MRPS35: variants seen among roughly 807,000 people sequenced by gnomAD.
The protein encoded by MRPS35 is mitochondrial ribosomal protein S35.
MRPS35 carries 29 observed loss-of-function variants against 32.7 expected under a neutral mutation model. The ratio of observed to expected loss-of-function variants is 0.89; its 90% confidence interval spans 0.66 to 1.21. MRPS35 has a LOEUF of 1.21. Among genes scored for constraint, MRPS35 ranks in the 50% most tolerant of loss-of-function variants. The probability of loss-of-function intolerance (pLI) is 0.00; values close to 1 mark genes in which losing one functional copy is unlikely to be tolerated. For synonymous variants in MRPS35, 148 were observed against 139.3 expected (o/e 1.06, Z -0.44); for missense variants, 373 against 383.8 (o/e 0.97, Z 0.23).
intron 4 of MRPS35, among the ~76,000 whole-genome samples, chr12:27,721,806 G>A (rs977900574): frequency 6.6e-6 from 1 of 152,146 alleles, no homozygotes; most frequent in African/African-American, 2.4e-5. Flanking sequence ...GTGACAGGGC[G>A]TGGTAGCTCA....
At chr12:27,751,001 G>A (rs1189861193) in intron 7 of MRPS35, among the ~76,000 whole-genome samples, 1 of 149,788 alleles carries the variant, frequency 6.7e-6, no homozygotes, top group Admixed American at 6.7e-5. Context: ...TACTTGGGGG[G>A]CTGAGGCGGG....
At chr12:27,715,383 C>T (rs906228338) in intron 2 of MRPS35, among the ~76,000 whole-genome samples, 17 of 152,100 alleles carry the variant, frequency 1.1e-4, no homozygotes, top group African/African-American at 3.9e-4. Context: ...GTGATCCACC[C>T]GCCTCAGTGC....
At chr12:27,753,717 G>GA (rs34964023) in intron 7 of MRPS35, among the ~76,000 whole-genome samples, 4 of 151,882 alleles carry the variant, frequency 2.6e-5, no homozygotes, top group Middle Eastern at 3.4e-3. Context: ...TGTTAATTTG[G>GA]AAAAAAAATG....
Position 27,755,131 on chromosome 12 carries a change from A to G in MRPS35, c.703-50A>G, listed in dbSNP as rs372694092. 4.4e-4 allele frequency: 644 copies of G among 1,455,484 alleles called. 12 individuals carry two copies. The South Asian group carries it at 8.6e-3, about 19-fold the overall frequency. 90.2% of individuals were successfully genotyped at this position (1,455,484 alleles called of 1,614,324 possible). ...AAAGGAAGAAACAAACAAACATTTGATATTTCTCAGAATTCAGAACTCATT... is the reference window on the plus strand; with the variant it reads ...AAAGGAAGAAACAAACAAACATTTGGTATTTCTCAGAATTCAGAACTCATT... On this transcript the variant is annotated intron_variant, in intron 7 of 7. Transcript: ENST00000081029.
rs558496156 is a variant in MRPS35 at position 27,752,349 on chromosome 12, A to G, written c.703-2832A>G. 2.0e-5 allele frequency among the ~76,000 whole-genome samples: 3 copies of G among 152,326 alleles called. No homozygotes were observed. In the South Asian group the frequency reaches 6.2e-4, roughly 32 times the overall value. On this transcript the variant is annotated intron_variant, in intron 7 of 7. Transcript: ENST00000081029. ...GGCAAACCAGTGTATAATTATATAC[A>G]CCAAATGTAAGGGGAAGAGACATGA...
chr12:27,741,556 G>A (rs1162399987), intron 7 of MRPS35, among the ~76,000 whole-genome samples: 6 of 151,952 alleles, frequency 3.9e-5, no homozygotes, highest in Non-Finnish European at 8.8e-5. Context: ...ATTTAATTTG[G>A]CAGAGTTTGT....
chr12:27,715,600 G>A lies in MRPS35; in HGVS notation c.154-691G>A, dbSNP rs150627518. Among the ~76,000 whole-genome samples, 5 of 152,306 alleles carry A rather than the reference G, an allele frequency of 3.3e-5. No individual in the cohort carries two copies. The South Asian group carries it at 1.0e-3, about 32-fold the overall frequency. On this transcript the variant is annotated intron_variant, in intron 2 of 7. Transcript: ENST00000081029. ...AGACACATTAGTTGGAAGTTAAATG[G>A]TATCAAATTACAATCATTAAGAGCA... is the stretch of plus-strand genomic sequence containing the variant.
At chr12:27,737,417 C>T in intron 6 of MRPS35, 122 bp from the exon 7 acceptor site, 4 of 702,682 alleles carry the variant, frequency 5.7e-6, no homozygotes, top group Non-Finnish European at 5.0e-6. Flanking sequence ...AACAGTTTTC[C>T]TAAAGCAGAA....
At chr12:27,721,554 G>A (rs2061875331) in intron 4 of MRPS35, among the ~76,000 whole-genome samples, 1 of 152,110 alleles carries the variant, frequency 6.6e-6, no homozygotes, top group South Asian at 2.1e-4. Flanking sequence ...GGCTACTCGG[G>A]GGCCTGAGGC....
intron 7 of MRPS35, among the ~76,000 whole-genome samples, chr12:27,748,438 GGTGTGTGTGTGTGTGTGT>G (rs35760106): frequency 6.9e-6 from 1 of 145,972 alleles, no homozygotes; most frequent in African/African-American, 2.5e-5. Flanking sequence ...AAAGAAAAGT[GGTGTGTGTGTGTGTGTGT>G]GTGTGTGTGT....
chr12:27,714,791 C>T lies in MRPS35; in HGVS notation c.124C>T (p.Pro42Ser), dbSNP rs372359182. The change falls in exon 2 of 8, where the codon CCC (proline) becomes TCC (serine). Residue 42 changes from proline (P) to serine (S), a missense_variant. By Grantham distance (74) the Pro-to-Ser change is moderately conservative. Transcript: ENST00000081029. ...TCTTTTACGTACAGCGGAAAGAACACCCGGAAATGAAAGGCCACCAAGAAG... is the reference window on the plus strand; with the variant it reads ...TCTTTTACGTACAGCGGAAAGAACATCCGGAAATGAAAGGCCACCAAGAAG... ...VPTPSLPERT[P>S]GNERPPRRKA... The T allele has an allele frequency of 9.9e-6, 16 of 1,610,444 alleles. No individual in the cohort carries two copies. Among genetic ancestry groups the T allele is most frequent in the African/African-American group, 1.3e-5 (1 of 74,702 alleles).
intron 6 of MRPS35, among the ~76,000 whole-genome samples, chr12:27,736,779 C>T (rs1476846700): frequency 1.3e-5 from 2 of 152,184 alleles, no homozygotes; most frequent in African/African-American, 4.8e-5. Context: ...ACAGCAGCAA[C>T]AGCACAGCAT....
chr12:27,718,067 T>G (rs114235336), intron 3 of MRPS35, among the ~76,000 whole-genome samples: 5,064 of 152,252 alleles, frequency 0.033, 288 homozygotes, highest in African/African-American at 0.12. Context: ...AACCAAAAAG[T>G]ACAGCAAATG....
chr12:27,748,598 T>C (rs2061989242), intron 7 of MRPS35, among the ~76,000 whole-genome samples: 1 of 152,134 alleles, frequency 6.6e-6, no homozygotes, highest in African/African-American at 2.4e-5. Context: ...AATGGTATTT[T>C]TAATTGCCCC....
At position 27,724,037 on chromosome 12, in the gene MRPS35, T is replaced by C; in HGVS notation, c.383-10T>C. ...AAAAGTGTAATTGAAATTATTTCTT[T>C]TATTCTCAGATTTTTGCACTGAGTG... On this transcript the variant is annotated splice_polypyrimidine_tract_variant and intron_variant, in intron 4 of 7. Transcript: ENST00000081029. 1 of 1,608,122 alleles carries C rather than the reference T, an allele frequency of 6.2e-7. No homozygotes were observed. Among genetic ancestry groups the C allele is most frequent in the Non-Finnish European group, 8.5e-7 (1 of 1,178,566 alleles).
intron 3 of MRPS35, among the ~76,000 whole-genome samples, chr12:27,718,070 A>C (rs2061858377): frequency 6.6e-6 from 1 of 152,222 alleles, no homozygotes; most frequent in South Asian, 2.1e-4. Context: ...CAAAAAGTAC[A>C]GCAAATGAAG....
Position 27,738,994 on chromosome 12 carries a change from C to T in MRPS35, c.702+1386C>T, listed in dbSNP as rs1050971209. Among the ~76,000 whole-genome samples, 5 of 151,754 alleles carry T rather than the reference C, an allele frequency of 3.3e-5. No individual in the cohort carries two copies. The East Asian group carries it at 5.8e-4, about 18-fold the overall frequency. On this transcript the variant is annotated intron_variant, in intron 7 of 7. Coordinates refer to ENST00000081029, the MANE Select transcript of MRPS35 (RefSeq NM_021821.4). ...AGCGATCTTGGCTCACTGCAACCTC[C>T]GCCTCCCAGGCTCAAGTTATTCTTC...
At chr12:27,725,798 C>CT (rs1176188580) in intron 5 of MRPS35, 1,896 of 68,270 alleles carry the variant, frequency 0.028, 65 homozygotes, top group African/African-American at 0.055. Flanking sequence ...CCTTGTATAC[C>CT]TTTTTTTTTT....
intron 5 of MRPS35, among the ~76,000 whole-genome samples, chr12:27,732,226 C>G (rs2140768974): frequency 6.6e-6 from 1 of 152,326 alleles, no homozygotes; most frequent in South Asian, 2.1e-4. Context: ...TTATTCACCT[C>G]AAGTTTTGTG....
Sources: gnomAD v4.1 joint callset for allele counts (sites outside exome capture counted in the v4.1 genomes callset) on GRCh38, gnomAD v4.1.1 for gene constraint, MANE v1.5 for transcripts, NCBI Gene and HGNC (gene_info 2026-07-23, HGNC 2026-07-21) for gene names.